Variants in PIWIL1 observed in about 807,000 individuals in gnomAD.
The protein encoded by PIWIL1 is piwi like RNA-mediated gene silencing 1, also known as piwi-like protein 1.
A neutral mutation model predicts 114.4 loss-of-function variants in PIWIL1; 73 were observed. The observed-to-expected ratio is 0.64, with a 90% CI of 0.53 to 0.78. PIWIL1 has a LOEUF of 0.78. PIWIL1 is among the 30% of genes least tolerant of loss of function. The pLI is 0.00. For missense variants in PIWIL1, 723 were observed against 1,063.1 expected (o/e 0.68, Z 4.45); for synonymous variants, 375 against 369.0 (o/e 1.02, Z -0.19).
the PIWIL1 span, among the ~76,000 whole-genome samples, chr12:130,381,514 C>G: frequency 6.6e-6 from 1 of 152,182 alleles, no homozygotes; most frequent in Admixed American, 6.5e-5. Flanking sequence ...TTAGCACTGA[C>G]TAATATTCCA....
At chr12:130,390,620 T>C in the PIWIL1 span, among the ~76,000 whole-genome samples, 1 of 152,184 alleles carries the variant, frequency 6.6e-6, no homozygotes, top group Non-Finnish European at 1.5e-5. Flanking sequence ...CCAGTTATAC[T>C]CTTTTTGCTT....
At chr12:130,417,932 G>A in the PIWIL1 span, among the ~76,000 whole-genome samples, 1 of 152,094 alleles carries the variant, frequency 6.6e-6, no homozygotes. Context: ...AACACCATCA[G>A]GGAAGCAAGT....
intron 1 of PIWIL1, chr12:130,339,789 C>A (rs1432096992): frequency 6.6e-6 from 1 of 152,212 alleles, no homozygotes; most frequent in African/African-American, 2.4e-5. Context: ...CAGTCGGCTT[C>A]TAACTCGGGA....
intron 19 of PIWIL1, among the ~76,000 whole-genome samples, chr12:130,370,100 A>G (rs766929778): frequency 3.3e-5 from 5 of 152,194 alleles, no homozygotes; most frequent in African/African-American, 4.8e-5. Context: ...AAAGGTAGCT[A>G]TACCATCTGT....
At chr12:130,382,501 C>G in the PIWIL1 span, among the ~76,000 whole-genome samples, 1 of 152,250 alleles carries the variant, frequency 6.6e-6, no homozygotes, top group Non-Finnish European at 1.5e-5. Flanking sequence ...ACGGCAGTTT[C>G]TGATGTGAGT....
At chr12:130,424,396 C>T in the PIWIL1 span, 12 of 1,232,610 alleles carry the variant, frequency 9.7e-6, no homozygotes, top group South Asian at 3.3e-4. This position sits in a 1 kb window ranked among gnomAD's most constrained non-coding sequence, Gnocchi z 9.8. Flanking sequence ...CGCCGCCGGG[C>T]CAGCAGCGGC....
At chr12:130,353,540 C>T (rs1012718551) in intron 9 of PIWIL1, among the ~76,000 whole-genome samples, 3 of 152,100 alleles carry the variant, frequency 2.0e-5, no homozygotes, top group Non-Finnish European at 4.4e-5. Context: ...GAGCCAGAAC[C>T]TGTACTGAAG....
At chr12:130,399,965 T>A in the PIWIL1 span, 1 of 809,822 alleles carries the variant, frequency 1.2e-6, no homozygotes, top group Admixed American at 2.8e-5. Context: ...TAAATCAGGG[T>A]TTCCAAATTT....
In PIWIL1 at chr12:130,371,603, C is replaced by T. The variant is rs2073818540; in HGVS notation, c.*5C>T. 1.3e-6 allele frequency: 2 copies of T among 1,531,996 alleles called. No homozygotes were observed. Among genetic ancestry groups the T allele is most frequent in the African/African-American group, 1.4e-5 (1 of 73,192 alleles). The allele number at this position is 1,531,996 out of a possible 1,614,324, so 94.9% of individuals were successfully genotyped here. A position where few individuals can be genotyped will look rare whatever the true frequency, so the allele number is the denominator to read the frequency against. ...AACCGCCTTTACTACCTCTAACCTG[C>T]AGAAGACGATGCAGCCGCTTTTCTT... is the stretch of plus-strand genomic sequence containing the variant. On this transcript the variant is annotated 3_prime_UTR_variant, in exon 21 of 21. Transcript: ENST00000245255.
chr12:130,399,113 A>G, the PIWIL1 span: 1 of 1,384,166 alleles, frequency 7.2e-7, no homozygotes, highest in East Asian at 2.7e-5. Context: ...TTGCTCACTT[A>G]CGTGAAGGCT....
intron 3 of PIWIL1, among the ~76,000 whole-genome samples, chr12:130,343,621 C>CTTTTTTTTTT (rs533583982): frequency 8.6e-6 from 1 of 116,502 alleles, no homozygotes. Flanking sequence ...TTGAAGGATT[C>CTTTTTTTTTT]TTTTTTTTTT....
At chr12:130,404,870 A>G in the PIWIL1 span, among the ~76,000 whole-genome samples, 5 of 152,208 alleles carry the variant, frequency 3.3e-5, no homozygotes, top group Non-Finnish European at 5.9e-5. Context: ...GAGTAGTGTT[A>G]AAGTCCATAA....
Position 130,356,910 on chromosome 12 carries a change from T to C in PIWIL1, c.1405-8T>C. 1 of 1,592,044 alleles carries C rather than the reference T, an allele frequency of 6.3e-7. No individual in the cohort carries two copies. The highest frequency in any genetic ancestry group is 8.6e-7 in the Non-Finnish European group (1 of 1,165,314). On this transcript the variant is annotated splice_region_variant and splice_polypyrimidine_tract_variant and intron_variant, in intron 12 of 20. Coordinates refer to ENST00000245255, the MANE Select transcript of PIWIL1 (RefSeq NM_004764.5). Reference sequence around the variant, plus strand: ...TGGAATTTACAGTGTGTCTGAACTCTCTTCTAGTTTGATTACAATCCACAA... The same window carrying C: ...TGGAATTTACAGTGTGTCTGAACTCCCTTCTAGTTTGATTACAATCCACAA...
chr12:130,359,776 A>G (rs2073460131), intron 14 of PIWIL1, among the ~76,000 whole-genome samples: 1 of 152,210 alleles, frequency 6.6e-6, no homozygotes, highest in Admixed American at 6.5e-5. Context: ...TGCTGAGGGA[A>G]CATGGAACTT....
the PIWIL1 span, chr12:130,396,721 T>TTGAA: frequency 6.6e-6 from 1 of 152,658 alleles, no homozygotes; most frequent in Admixed American, 6.5e-5. Context: ...TTTCTCTTTT[T>TTGAA]TGAATGATTG....
At chr12:130,362,513 TC>T (rs1346230084) in intron 16 of PIWIL1, among the ~76,000 whole-genome samples, 11 of 152,168 alleles carry the variant, frequency 7.2e-5, no homozygotes, top group Admixed American at 7.2e-4. Flanking sequence ...TTCTGTTTTC[TC>T]CCCAGCAGCT....
At chr12:130,424,258 C>T in the PIWIL1 span, 20 of 1,231,712 alleles carry the variant, frequency 1.6e-5, no homozygotes, top group Middle Eastern at 3.1e-4. The surrounding 1 kb of genome is among the most constrained non-coding windows in gnomAD (Gnocchi z 9.8). Context: ...TCGGTGGGCT[C>T]GCCCCAGCCG....
At chr12:130,390,876 C>G in the PIWIL1 span, among the ~76,000 whole-genome samples, 1 of 152,218 alleles carries the variant, frequency 6.6e-6, no homozygotes, top group Non-Finnish European at 1.5e-5. Context: ...TTGTCTCTCA[C>G]CTGCTGGGCA....
the PIWIL1 span, among the ~76,000 whole-genome samples, chr12:130,415,535 A>AG: frequency 6.6e-6 from 1 of 152,216 alleles, no homozygotes; most frequent in African/African-American, 2.4e-5. Flanking sequence ...TCAACACTGG[A>AG]GTGCTATAGC....
Sources: gnomAD v4.1 joint callset for allele counts (sites outside exome capture counted in the v4.1 genomes callset) on GRCh38, gnomAD v4.1.1 for gene constraint, Gnocchi (gnomAD v3.1) non-coding constraint, MANE v1.5 for transcripts, NCBI Gene and HGNC (gene_info 2026-07-23, HGNC 2026-07-21) for gene names.